The following ADARB2 variants were observed in gnomAD, a reference collection of about 807,000 sequenced individuals.
ADARB2 encodes the protein inactive double-stranded RNA-specific editase B2.
In ADARB2, 25 loss-of-function variants were observed where a neutral mutation model predicts 62.2. The observed-to-expected ratio is 0.40, with a 90% confidence interval of 0.29 to 0.56. ADARB2 has a LOEUF of 0.56. Ranked by LOEUF, ADARB2 falls within the 20% of genes least tolerant of loss-of-function variation. ADARB2 has a pLI of 0.43. For missense variants in ADARB2, 1,071 were observed against 1,077.4 expected (o/e 0.99, Z 0.08); for synonymous variants, 572 against 500.8 (o/e 1.14, Z -1.90).
At chr10:1,634,120 C>T (rs150606734) in intron 1 of ADARB2, among the ~76,000 whole-genome samples, 18 of 152,256 alleles carry the variant, frequency 1.2e-4, no homozygotes, top group Admixed American at 2.6e-4. Context: ...CCTGTCCCCA[C>T]GGGTGTGTTT....
chr10:1,664,737 G>A (rs563074327), intron 1 of ADARB2, among the ~76,000 whole-genome samples: 4 of 152,246 alleles, frequency 2.6e-5, no homozygotes, highest in East Asian at 1.9e-4. Context: ...GTCAGCAGAC[G>A]GCAAGGGGAA....
At chr10:1,714,557 G>T (rs1247446182) in intron 1 of ADARB2, among the ~76,000 whole-genome samples, 2 of 152,234 alleles carry the variant, frequency 1.3e-5, no homozygotes. Flanking sequence ...GCCTGAAGTG[G>T]TAAAAGCTAC....
chr10:1,285,494 C>A (rs1358344138), intron 3 of ADARB2, among the ~76,000 whole-genome samples: 1 of 152,176 alleles, frequency 6.6e-6, no homozygotes, highest in South Asian at 2.1e-4. Flanking sequence ...CACGTTGGAC[C>A]AGCAATGGTC....
In ADARB2 at chr10:1,327,070, CCACTGCACAGCGCCTCCT is replaced by C. The variant is rs1564258065; in HGVS notation, c.1077+35940_1077+35957del. Among the ~76,000 whole-genome samples, 37 of 41,040 alleles carry C rather than the reference CCACTGCACAGCGCCTCCT, an allele frequency of 9.0e-4. 1 individual carries two copies. Among genetic ancestry groups the C allele is most frequent in the African/African-American group, 2.6e-3 (24 of 9,152 alleles). The allele number at this position is 41,040 out of a possible 152,430, so 26.9% of individuals were successfully genotyped here. ...CGCCTCCCCACTGCCCAGCGCCTCC[CCACTGCACAGCGCCTCCT>C]CACTGCACAGCGCCTCCCCACGGCA... On this transcript the variant is annotated intron_variant, in intron 3 of 9. Transcript: ENST00000381312.
chr10:1,526,776 A>G, intron 1 of ADARB2: 1 of 495,190 alleles, frequency 2.0e-6, no homozygotes, highest in Admixed American at 2.1e-5. Context: ...GGATGACATG[A>G]AGCAGCTGTT....
chr10:1,499,204 T>C (rs10437531), intron 1 of ADARB2, among the ~76,000 whole-genome samples: 103,572 of 151,698 alleles, frequency 0.68, 35,684 homozygotes, highest in Admixed American at 0.73. Flanking sequence ...TATCATTACT[T>C]AACACTCATT....
chr10:1,434,101 G>A (rs1444802394), intron 1 of ADARB2, among the ~76,000 whole-genome samples: 1 of 152,126 alleles, frequency 6.6e-6, no homozygotes, highest in Non-Finnish European at 1.5e-5. Context: ...AAAAGGGTTT[G>A]AGTTTCAGGT....
At chr10:1,281,955 A>C (rs1831374745) in intron 3 of ADARB2, among the ~76,000 whole-genome samples, 2 of 152,252 alleles carry the variant, frequency 1.3e-5, no homozygotes, top group Admixed American at 1.3e-4. Flanking sequence ...GTGGTGAACT[A>C]ATTAAAATGT....
chr10:1,381,953 T>C (rs578176358), intron 1 of ADARB2, among the ~76,000 whole-genome samples: 4 of 152,216 alleles, frequency 2.6e-5, no homozygotes, highest in Non-Finnish European at 4.4e-5. Context: ...GCTAATAACA[T>C]GTATTGCCCA....
chr10:1,299,112 G>A (rs780353059), intron 3 of ADARB2, among the ~76,000 whole-genome samples: 8 of 151,964 alleles, frequency 5.3e-5, no homozygotes, highest in South Asian at 2.1e-4. Flanking sequence ...CCAGCTGGAA[G>A]ACACATGCTC....
intron 1 of ADARB2, among the ~76,000 whole-genome samples, chr10:1,474,655 C>T (rs986059758): frequency 6.6e-6 from 1 of 152,172 alleles, no homozygotes; most frequent in African/African-American, 2.4e-5. Context: ...AGACTGTCCG[C>T]CCACCAGGAG....
chr10:1,536,810 C>G (rs1482165856), intron 1 of ADARB2, among the ~76,000 whole-genome samples: 1 of 152,154 alleles, frequency 6.6e-6, no homozygotes, highest in African/African-American at 2.4e-5. Context: ...CAAAAATTAA[C>G]TTAAGATGGA....
At chr10:1,596,867 G>A (rs560644927) in intron 1 of ADARB2, among the ~76,000 whole-genome samples, 12 of 152,286 alleles carry the variant, frequency 7.9e-5, no homozygotes, top group Admixed American at 7.2e-4. Flanking sequence ...ACTGGCACCC[G>A]GAGGGTTTAG....
chr10:1,564,554 A>C (rs902669885), intron 1 of ADARB2, among the ~76,000 whole-genome samples: 3 of 152,144 alleles, frequency 2.0e-5, no homozygotes, highest in Non-Finnish European at 2.9e-5. Context: ...GAACTCAAAC[A>C]AATTTACAAG....
intron 1 of ADARB2, among the ~76,000 whole-genome samples, chr10:1,581,572 A>G (rs2813388): frequency 0.52 from 78,827 of 152,138 alleles, 20,730 homozygotes; most frequent in East Asian, 0.64. Flanking sequence ...AGTAACTACC[A>G]CAGGGGTAGG....
At chr10:1,270,786 C>T (rs1377400426) in intron 4 of ADARB2, among the ~76,000 whole-genome samples, 169 bp downstream of exon 4, 1 of 152,196 alleles carries the variant, frequency 6.6e-6, no homozygotes, top group African/African-American at 2.4e-5. Context: ...GATGGCTTTT[C>T]CTGCTAATAT....
chr10:1,697,004 T>C (rs1436699085), intron 1 of ADARB2, among the ~76,000 whole-genome samples: 1 of 151,960 alleles, frequency 6.6e-6, no homozygotes, highest in East Asian at 1.9e-4. Context: ...CTATCGTTAA[T>C]GTTAGTGTAT....
In ADARB2 at chr10:1,635,598, G is replaced by A. The variant is rs138011123; in HGVS notation, c.100+101453C>T. 6.6e-5 allele frequency among the ~76,000 whole-genome samples: 10 copies of A among 152,252 alleles called. No individual in the cohort carries two copies. The East Asian group carries it at 1.9e-3, about 29-fold the overall frequency. On this transcript the variant is annotated intron_variant, in intron 1 of 9. Coordinates refer to ENST00000381312, the MANE Select transcript of ADARB2 (RefSeq NM_018702.4). ...CCCCGCCCACTCTGAGCTTCCCTCC[G>A]TCGGGACAGCCTCACGTTGGATTAG...
chr10:1,696,050 G>A (rs1186988403), intron 1 of ADARB2, among the ~76,000 whole-genome samples: 3 of 152,046 alleles, frequency 2.0e-5, no homozygotes, highest in African/African-American at 7.2e-5. Flanking sequence ...ACATATACAT[G>A]CACACACATG....
Sources: allele counts gnomAD v4.1 joint callset (sites outside exome capture counted in the v4.1 genomes callset), GRCh38; gene constraint gnomAD v4.1.1; transcripts MANE v1.5; gene names NCBI Gene and HGNC (gene_info 2026-07-23, HGNC 2026-07-21).